CADPS2: variants seen among roughly 807,000 people sequenced by gnomAD.
CADPS2 encodes calcium dependent secretion activator 2.
In CADPS2, 93 loss-of-function variants were observed where a neutral mutation model predicts 172.5. That is an observed-to-expected ratio of 0.54 (90% CI 0.46 to 0.64). The LOEUF (loss-of-function observed/expected upper bound fraction) is 0.64. Ranked by LOEUF, CADPS2 falls within the 30% of genes least tolerant of loss-of-function variation. The pLI is 0.00. For missense variants in CADPS2, 1,420 were observed against 1,565.9 expected (o/e 0.91, Z 1.57); for synonymous variants, 546 against 555.2 (o/e 0.98, Z 0.23).
chr7:122,583,721 A>G (rs1214534913), intron 6 of CADPS2, among the ~76,000 whole-genome samples: 1 of 151,282 alleles, frequency 6.6e-6, no homozygotes, highest in Non-Finnish European at 1.5e-5. Flanking sequence ...ATACCTCACA[A>G]TAGCATATAT....
At chr7:122,320,801 G>A (rs2032286798) in intron 29 of CADPS2, among the ~76,000 whole-genome samples, 1 of 152,078 alleles carries the variant, frequency 6.6e-6, no homozygotes, top group African/African-American at 2.4e-5. Flanking sequence ...CCTATTATCG[G>A]TAAAAGAAGT....
chr7:122,759,181 T>G (rs1267861456), intron 1 of CADPS2, among the ~76,000 whole-genome samples: 1 of 152,142 alleles, frequency 6.6e-6, no homozygotes, highest in African/African-American at 2.4e-5. Context: ...ACTGTGGAGC[T>G]TGTCTGTTTG....
intron 9 of CADPS2, among the ~76,000 whole-genome samples, chr7:122,505,681 T>C (rs1426740152): frequency 6.6e-6 from 1 of 152,090 alleles, no homozygotes. Flanking sequence ...AATTAGGAAA[T>C]GTGAGCCATG....
At chr7:122,825,564 G>A (rs764143607) in intron 1 of CADPS2, among the ~76,000 whole-genome samples, 29 of 152,148 alleles carry the variant, frequency 1.9e-4, no homozygotes, top group Non-Finnish European at 4.0e-4. Context: ...CAGAAGCAGA[G>A]AAAGAACAAG....
chr7:122,505,890 T>A (rs1472092258), intron 9 of CADPS2, among the ~76,000 whole-genome samples: 1 of 152,154 alleles, frequency 6.6e-6, no homozygotes, highest in Non-Finnish European at 1.5e-5. Flanking sequence ...TAATAATAAA[T>A]CACATTCCCA....
chr7:122,559,770 CAAAAAAAAAA>C (rs71161306), intron 7 of CADPS2, among the ~76,000 whole-genome samples: 5 of 85,158 alleles, frequency 5.9e-5, no homozygotes, highest in Non-Finnish European at 1.1e-4. Flanking sequence ...GACTCCACCT[CAAAAAAAAAA>C]AAAAAAAAAA....
At chr7:122,630,428 G>C (rs951260451) in intron 3 of CADPS2, among the ~76,000 whole-genome samples, 1 of 152,040 alleles carries the variant, frequency 6.6e-6, no homozygotes, top group African/African-American at 2.4e-5. Flanking sequence ...CAAAAGTCTG[G>C]AGGTGAGGAG....
intron 2 of CADPS2, among the ~76,000 whole-genome samples, chr7:122,725,120 A>G (rs1276779806): frequency 2.0e-5 from 3 of 152,000 alleles, no homozygotes; most frequent in African/African-American, 7.2e-5. Context: ...ATGAAAATAT[A>G]TGTGTTTCTT....
chr7:122,681,438 C>T (rs1416304780), intron 2 of CADPS2: 15 of 1,535,446 alleles, frequency 9.8e-6, no homozygotes, highest in East Asian at 4.5e-5. Flanking sequence ...ATTCGTCATT[C>T]GAAACATAGT....
At chr7:122,755,904 G>T (rs1322311190) in intron 1 of CADPS2, among the ~76,000 whole-genome samples, 1 of 152,134 alleles carries the variant, frequency 6.6e-6, no homozygotes, top group Non-Finnish European at 1.5e-5. Context: ...CGTTTTCCTG[G>T]ATTCCACATT....
chr7:122,621,555 C>A lies in CADPS2; in HGVS notation c.1030G>T (p.Ala344Ser). Reference sequence around the variant, plus strand: ...TTCTCATCTCCTATGTCCAAAAATGCAGAGTTCTGTGAACGTTTTAATTTT... The same window carrying A: ...TTCTCATCTCCTATGTCCAAAAATGAAGAGTTCTGTGAACGTTTTAATTTT... ...LQKLKRSQNS[A>S]FLDIGDENEI... is the part of the protein sequence containing the mutation. The change falls in exon 5 of 30, where the codon GCA becomes TCA. Residue 344 changes from alanine to serine, a missense_variant. Transcript: ENST00000449022. The A allele has an allele frequency of 1.2e-6, 2 of 1,613,858 alleles. No individual in the cohort carries two copies. The highest frequency in any genetic ancestry group is 8.5e-7 in the Non-Finnish European group (1 of 1,179,808).
intron 25 of CADPS2, among the ~76,000 whole-genome samples, chr7:122,361,788 A>G (rs2040182542): frequency 1.3e-5 from 2 of 152,082 alleles, no homozygotes; most frequent in Non-Finnish European, 2.9e-5. Context: ...AAGAACAGAT[A>G]ATGGGCCAGG....
At chr7:122,640,478 C>G (rs1403817524) in intron 3 of CADPS2, among the ~76,000 whole-genome samples, 1 of 142,810 alleles carries the variant, frequency 7.0e-6, no homozygotes, top group Non-Finnish European at 1.6e-5. Context: ...TATACACACA[C>G]ACACACACAC....
At chr7:122,762,111 ATATATG>A (rs1218613228) in intron 1 of CADPS2, among the ~76,000 whole-genome samples, 1 of 151,258 alleles carries the variant, frequency 6.6e-6, no homozygotes, top group Non-Finnish European at 1.5e-5. Context: ...ATACATGTGT[ATATATG>A]TATATGTATA....
At position 122,547,215 on chromosome 7, in the gene CADPS2, G is replaced by A. The variant is rs945106957; in HGVS notation, c.1475+7335C>T. ...CTTCCTACAGTTCAACCACAGGGAT[G>A]GTCTAAGAATAAATGTTGACAGGCA... On this transcript the variant is annotated intron_variant, in intron 8 of 29. Transcript: ENST00000449022. Among the ~76,000 whole-genome samples the A allele has an allele frequency of 4.6e-5, 7 of 152,096 alleles. No homozygotes were observed. The East Asian group carries it at 1.4e-3, about 29-fold the overall frequency.
Position 122,663,350 on chromosome 7 carries a change from C to G in CADPS2, c.673G>C (p.Ala225Pro). 1 of 1,613,886 alleles carries G rather than the reference C, an allele frequency of 6.2e-7. No homozygotes were observed. The highest frequency in any genetic ancestry group is 2.2e-5 in the East Asian group (1 of 44,878). The change falls in exon 3 of 30, where the codon GCC (alanine) becomes CCC (proline). Residue 225 changes from alanine (A) to proline (P), a missense_variant. By Grantham distance (27) the Ala-to-Pro change is conservative. Transcript: ENST00000449022. ...ATAAGTTCAGACACTGCACTTAGGG[C>G]CATTCTATTTGGCTGTTTGCACAAG... ...EDLCKQPNRM[A>P]LSAVSELILS...
At chr7:122,790,649 GT>G (rs904780646) in intron 1 of CADPS2, among the ~76,000 whole-genome samples, 8 of 152,018 alleles carry the variant, frequency 5.3e-5, no homozygotes, top group African/African-American at 1.7e-4. Context: ...CATATGAAAT[GT>G]TTTTTTCTTC....
At chr7:122,786,184 C>T (rs1158860615) in intron 1 of CADPS2, among the ~76,000 whole-genome samples, 7 of 152,090 alleles carry the variant, frequency 4.6e-5, no homozygotes, top group Non-Finnish European at 1.0e-4. Flanking sequence ...TTATAATAAA[C>T]ATCTAAATAC....
At chr7:122,376,770 C>T (rs976992478) in intron 25 of CADPS2, among the ~76,000 whole-genome samples, 3 of 151,986 alleles carry the variant, frequency 2.0e-5, no homozygotes, top group Non-Finnish European at 2.9e-5. Flanking sequence ...GTGATGGATA[C>T]GTTTATGGTA....
Sources: allele counts gnomAD v4.1 joint callset (sites outside exome capture counted in the v4.1 genomes callset), GRCh38; gene constraint gnomAD v4.1.1; transcripts MANE v1.5; gene names NCBI Gene and HGNC (gene_info 2026-07-23, HGNC 2026-07-21).